DIAPH2: variants seen among roughly 807,000 people sequenced by gnomAD.
DIAPH2 encodes the protein diaphanous related formin 2.
DIAPH2 carries 35 observed loss-of-function variants against 92.7 expected under a neutral mutation model. The observed-to-expected ratio is 0.38, with a 90% CI of 0.29 to 0.50. The LOEUF is 0.50. Ranked by LOEUF, DIAPH2 falls within the 20% of genes least tolerant of loss-of-function variation. The pLI is 0.94. For synonymous variants in DIAPH2, 301 were observed against 280.4 expected, an observed-to-expected ratio of 1.07 and a Z score of -0.73; for missense variants, 701 against 819.5, an observed-to-expected ratio of 0.86 and a Z score of 1.77.
chrX:96,773,236 T>TCCC lies in DIAPH2; in HGVS notation c.447+14978_447+14979insCCC, dbSNP rs201670201. ...AGCTATGTGTTACCGGCTGAATTGT[T>TCCC]TCCCCCCCCCTCCCGCCCTCCCCAA... On this transcript the variant is annotated intron_variant, in intron 4 of 26. Coordinates refer to ENST00000324765, the MANE Select transcript of DIAPH2 (RefSeq NM_006729.5). Among the ~76,000 whole-genome samples, 61 of 91,463 alleles carry TCCC rather than the reference T, an allele frequency of 6.7e-4. 2 individuals carry two copies. The highest frequency in any genetic ancestry group is 1.6e-3 in the East Asian group (4 of 2,526). The allele number at this position is 91,463 out of a possible 115,157, so 79.4% of individuals were successfully genotyped here.
chrX:96,826,166 C>T (rs1368968705), intron 4 of DIAPH2, among the ~76,000 whole-genome samples: 1 of 110,985 alleles, frequency 9.0e-6, no homozygotes, highest in Non-Finnish European at 1.9e-5. Flanking sequence ...CCTGTAATCC[C>T]AGCAGTTTGG....
chrX:97,189,020 A>G (rs1224514864), intron 22 of DIAPH2, among the ~76,000 whole-genome samples: 1 of 111,827 alleles, frequency 8.9e-6, no homozygotes, highest in African/African-American at 3.3e-5. Context: ...TAAGAAAAGG[A>G]GAAAGGTAAA....
chrX:96,964,955 AT>A (rs780968682), intron 16 of DIAPH2, 137 bp from the exon 17 acceptor site: 34 of 550,256 alleles, frequency 6.2e-5, no homozygotes, highest in Non-Finnish European at 8.9e-5. Context: ...TATAAGTATT[AT>A]TTAGATACAT....
chrX:97,336,303 G>A (rs1269237976), intron 23 of DIAPH2, among the ~76,000 whole-genome samples: 1 of 99,814 alleles, frequency 1.0e-5, no homozygotes, highest in Non-Finnish European at 2.0e-5. Context: ...GGAATGCAGT[G>A]GCACGATCTT....
intron 17 of DIAPH2, among the ~76,000 whole-genome samples, chrX:96,998,561 C>G (rs1417340144): frequency 8.9e-6 from 1 of 111,937 alleles, no homozygotes; most frequent in Non-Finnish European, 1.9e-5. Context: ...CTTTGATGAT[C>G]AAAATGAGGG....
At chrX:97,511,270 C>A (rs1168046449) in intron 26 of DIAPH2, among the ~76,000 whole-genome samples, 1 of 92,466 alleles carries the variant, frequency 1.1e-5, no homozygotes, top group African/African-American at 4.0e-5. Context: ...CTCTTTGAAG[C>A]AATTGTGAAT....
At chrX:97,484,092 A>G (rs140941003) in intron 26 of DIAPH2, among the ~76,000 whole-genome samples, 147 of 111,788 alleles carry the variant, frequency 1.3e-3, no homozygotes, top group Middle Eastern at 4.7e-3. Context: ...TATATCAATC[A>G]TAAATTGTTT....
chrX:96,843,893 TA>T (rs1216656257), intron 4 of DIAPH2, among the ~76,000 whole-genome samples: 1 of 111,844 alleles, frequency 8.9e-6, no homozygotes, highest in East Asian at 2.8e-4. Flanking sequence ...GTAATTAGCA[TA>T]TCAATTATTT....
At chrX:96,927,154 T>A (rs1041739526) in intron 9 of DIAPH2, among the ~76,000 whole-genome samples, 20 of 111,410 alleles carry the variant, frequency 1.8e-4, no homozygotes, top group African/African-American at 6.5e-4. Context: ...AGTTATGTGA[T>A]CTTGGGCAAA....
chrX:96,770,197 C>CAAA (rs539855244), intron 4 of DIAPH2, among the ~76,000 whole-genome samples: 1 of 54,742 alleles, frequency 1.8e-5, no homozygotes, highest in African/African-American at 6.0e-5. Flanking sequence ...GACTGTGTCT[C>CAAA]AAAAAAAAAA....
chrX:97,004,265 A>G (rs2066164622), intron 17 of DIAPH2, among the ~76,000 whole-genome samples: 1 of 111,224 alleles, frequency 9.0e-6, no homozygotes, highest in South Asian at 3.8e-4. Context: ...GGTTTTGGCT[A>G]TTCTCAGTCT....
At chrX:96,686,457 C>T (rs2063771735) in intron 1 of DIAPH2, among the ~76,000 whole-genome samples, 2 of 110,516 alleles carry the variant, frequency 1.8e-5, no homozygotes, top group African/African-American at 6.6e-5. Context: ...TTCCCTTTAG[C>T]CATTTGTCCT....
chrX:97,305,802 C>T (rs1363214907), intron 23 of DIAPH2, among the ~76,000 whole-genome samples: 1 of 94,657 alleles, frequency 1.1e-5, no homozygotes, highest in Non-Finnish European at 2.0e-5. Flanking sequence ...CCAGCCTGGG[C>T]GACAGAGCGA....
intron 7 of DIAPH2, among the ~76,000 whole-genome samples, chrX:96,913,504 T>C (rs747694448): frequency 3.8e-4 from 42 of 111,820 alleles, no homozygotes; most frequent in Non-Finnish European, 7.6e-4. Flanking sequence ...TTTGAAATCA[T>C]GCAAATGAAT....
At chrX:96,781,932 CTT>C (rs1009335596) in intron 4 of DIAPH2, among the ~76,000 whole-genome samples, 2 of 111,017 alleles carry the variant, frequency 1.8e-5, no homozygotes, top group African/African-American at 6.5e-5. Context: ...ATAAAATAGA[CTT>C]AAATTTCAAG....
At chrX:97,036,569 A>G (rs1004104147) in intron 17 of DIAPH2, among the ~76,000 whole-genome samples, 2 of 112,155 alleles carry the variant, frequency 1.8e-5, no homozygotes, top group African/African-American at 6.5e-5. Context: ...ACACCTTTAT[A>G]TGTGCAAAAT....
At chrX:97,561,797 C>T (rs2071295641) in intron 26 of DIAPH2, among the ~76,000 whole-genome samples, 1 of 112,509 alleles carries the variant, frequency 8.9e-6, no homozygotes, top group African/African-American at 3.2e-5. Context: ...TTTTAAACAT[C>T]ATCAGAGTGG....
intron 26 of DIAPH2, among the ~76,000 whole-genome samples, chrX:97,482,483 C>T: frequency 9.0e-6 from 1 of 111,620 alleles, no homozygotes; most frequent in Middle Eastern, 4.6e-3. Flanking sequence ...GTGACTTTGA[C>T]TCACAAAGGT....
chrX:96,880,406 A>G (rs935455994), intron 4 of DIAPH2, among the ~76,000 whole-genome samples: 1 of 111,936 alleles, frequency 8.9e-6, no homozygotes, highest in Non-Finnish European at 1.9e-5. Flanking sequence ...AAATTCAGAA[A>G]TTAAGAATGA....
Sources: allele counts gnomAD v4.1 joint callset (sites outside exome capture counted in the v4.1 genomes callset), GRCh38; gene constraint gnomAD v4.1.1; transcripts MANE v1.5; gene names NCBI Gene and HGNC (gene_info 2026-07-23, HGNC 2026-07-21).